Variants in PLSCR4 observed in about 807,000 individuals in gnomAD.
The protein encoded by PLSCR4 is Ca(2+)-dependent phospholipid scramblase 4.
Under a neutral mutation model 36.3 loss-of-function variants are expected in PLSCR4, and 25 were observed. The observed-to-expected ratio is 0.69, with a 90% confidence interval of 0.50 to 0.96. PLSCR4 has a LOEUF of 0.96. Among genes scored for constraint, PLSCR4 ranks in the 40% least tolerant of loss-of-function variants. PLSCR4 has a pLI of 0.00. For synonymous variants in PLSCR4, 122 were observed against 132.9 expected, an observed-to-expected ratio of 0.92 and a Z score of 0.56; for missense variants, 408 against 414.7, an observed-to-expected ratio of 0.98 and a Z score of 0.14.
At chr3:146,234,544 C>G (rs1020516005) in intron 1 of PLSCR4, among the ~76,000 whole-genome samples, 1 of 152,062 alleles carries the variant, frequency 6.6e-6, no homozygotes, top group African/African-American at 2.4e-5. Context: ...ACACCCTGTT[C>G]CCTTTTTTTT....
At position 146,194,455 on chromosome 3, in the gene PLSCR4, C is replaced by T. The variant is rs760118187; in HGVS notation, c.946G>A (p.Asp316Asn). ...GGAGATCTTTCAAAATACATGAAGTCCTGAAATTGGAAAAAGAATTATATG... is the reference window on the plus strand; with the variant it reads ...GGAGATCTTTCAAAATACATGAAGTTCTGAAATTGGAAAAAGAATTATATG... ...AMIFGACFLI[D>N]FMYFERSPPQ... The change falls in exon 9 of 9, where the codon GAC (aspartate) becomes AAC (asparagine). Residue 316 changes from aspartate to asparagine, a missense_variant and splice_region_variant. By Grantham distance (23) the Asp-to-Asn change is conservative (BLOSUM62 1). Transcript: ENST00000354952. 1.8e-5 allele frequency: 28 copies of T among 1,584,452 alleles called. No individual in the cohort carries two copies. Among genetic ancestry groups the T allele is most frequent in the Non-Finnish European group, 2.3e-5 (27 of 1,153,626 alleles).
chr3:146,196,543 TA>T (rs796833072), intron 7 of PLSCR4, 88 bp downstream of exon 7: 2,482 of 1,158,816 alleles, frequency 2.1e-3, no homozygotes, highest in Non-Finnish European at 2.5e-3. Flanking sequence ...TCATTCACAT[TA>T]AAAAAAAATG....
intron 1 of PLSCR4, among the ~76,000 whole-genome samples, chr3:146,238,015 T>C (rs2035989257): frequency 6.6e-6 from 1 of 151,846 alleles, no homozygotes; most frequent in Non-Finnish European, 1.5e-5. Flanking sequence ...ATATTAATAC[T>C]AACCTTACAT....
At chr3:146,224,858 T>A (rs565862549) in intron 1 of PLSCR4, among the ~76,000 whole-genome samples, 1 of 145,750 alleles carries the variant, frequency 6.9e-6, no homozygotes, top group East Asian at 2.0e-4. Context: ...ATTAGTTAGA[T>A]ACAGAGTATG....
intron 6 of PLSCR4, among the ~76,000 whole-genome samples, chr3:146,198,393 T>C (rs2033863447): frequency 6.6e-6 from 1 of 152,064 alleles, no homozygotes; most frequent in South Asian, 2.1e-4. Flanking sequence ...TGTCATAAAT[T>C]GGACTAGGCT....
chr3:146,215,996 C>T (rs1348226462), intron 3 of PLSCR4, among the ~76,000 whole-genome samples: 4 of 152,062 alleles, frequency 2.6e-5, no homozygotes, highest in Non-Finnish European at 4.4e-5. Flanking sequence ...TTTAGGAGGC[C>T]GAGGTGAGTG....
intron 1 of PLSCR4, among the ~76,000 whole-genome samples, chr3:146,225,360 C>A (rs951710740): frequency 6.6e-6 from 1 of 152,252 alleles, no homozygotes; most frequent in Non-Finnish European, 1.5e-5. Context: ...AGGAGCACAG[C>A]TGGCTTCACC....
rs143399951 is a variant in PLSCR4, at chr3:146,211,471, G to C, written c.119-4710C>G. 2.0e-4 allele frequency among the ~76,000 whole-genome samples: 31 copies of C among 152,184 alleles called. No homozygotes were observed. In the East Asian group the frequency reaches 5.4e-3, roughly 27 times the overall value. Reference sequence around the variant, plus strand: ...ATAAAAGTCTCTTGCCAGATAGTTTGCAAGTGTTTTCTCTCATTGTGTAGG... The same window carrying C: ...ATAAAAGTCTCTTGCCAGATAGTTTCCAAGTGTTTTCTCTCATTGTGTAGG... On this transcript the variant is annotated intron_variant, in intron 3 of 8. Coordinates refer to ENST00000354952, the MANE Select transcript of PLSCR4 (RefSeq NM_020353.3).
intron 1 of PLSCR4, among the ~76,000 whole-genome samples, chr3:146,237,363 A>T (rs1366454692): frequency 6.6e-6 from 1 of 152,186 alleles, no homozygotes; most frequent in Non-Finnish European, 1.5e-5. Flanking sequence ...AAATACACAT[A>T]CATTATGAAC....
intron 6 of PLSCR4, among the ~76,000 whole-genome samples, chr3:146,198,783 A>C (rs1417263517): frequency 1.3e-5 from 2 of 152,176 alleles, no homozygotes; most frequent in East Asian, 3.9e-4. Context: ...TGATTAAAAA[A>C]AAATCTAACT....
Position 146,220,913 on chromosome 3 carries a change from G to A in PLSCR4, c.20C>T (p.Thr7Ile). The change falls in exon 3 of 9, where the codon ACA becomes ATA. Residue 7 changes from threonine to isoleucine, a missense_variant. Coordinates refer to ENST00000354952, the MANE Select transcript of PLSCR4 (RefSeq NM_020353.3). ...TTCACCTGCAGGCTGTTCAGGGGCTGTGGGTACCACACCTTCAGGGGAAGA... is the reference window on the plus strand; with the variant it reads ...TTCACCTGCAGGCTGTTCAGGGGCTATGGGTACCACACCTTCAGGGGAAGA... MSGVVP[T>I]APEQPAGEME... is the part of the protein sequence containing the mutation. The A allele has an allele frequency of 6.2e-7, 1 of 1,610,740 alleles. No homozygotes were observed. The highest frequency in any genetic ancestry group is 2.2e-5 in the East Asian group (1 of 44,806).
chr3:146,196,130 AT>A (rs1442786080), intron 7 of PLSCR4, among the ~76,000 whole-genome samples: 1 of 152,196 alleles, frequency 6.6e-6, no homozygotes, highest in Non-Finnish European at 1.5e-5. Flanking sequence ...ATTGAAAAAA[AT>A]GTTAAAACTA....
chr3:146,199,518 TGGTA>T (rs372000870), intron 6 of PLSCR4, among the ~76,000 whole-genome samples: 153 of 152,262 alleles, frequency 1.0e-3, no homozygotes, highest in African/African-American at 3.3e-3. Flanking sequence ...TAGATAAATG[TGGTA>T]GGTAAATTTC....
intron 1 of PLSCR4, among the ~76,000 whole-genome samples, chr3:146,223,480 T>A (rs1362472170): frequency 6.6e-6 from 1 of 152,042 alleles, no homozygotes; most frequent in Non-Finnish European, 1.5e-5. Flanking sequence ...ATCCTAAGCC[T>A]ATGTACTTTT....
intron 1 of PLSCR4, among the ~76,000 whole-genome samples, chr3:146,245,720 T>TTC (rs2036311802): frequency 7.4e-6 from 1 of 134,868 alleles, no homozygotes; most frequent in Admixed American, 8.1e-5. Context: ...ATATAAACAT[T>TTC]TCCTCTTTAA....
chr3:146,205,278 G>A (rs1316182531), intron 4 of PLSCR4, among the ~76,000 whole-genome samples: 3 of 152,014 alleles, frequency 2.0e-5, no homozygotes, highest in African/African-American at 7.2e-5. Flanking sequence ...GTGGATACCT[G>A]AAACCACAGA....
intron 3 of PLSCR4, among the ~76,000 whole-genome samples, chr3:146,218,788 A>G (rs1436245986): frequency 6.6e-6 from 1 of 152,212 alleles, no homozygotes. Context: ...ATACTGGTGT[A>G]AGACACACTG....
Position 146,201,052 on chromosome 3 carries a change from T to C in PLSCR4, c.380A>G (p.His127Arg). The C allele has an allele frequency of 1.9e-6, 3 of 1,558,274 alleles. No homozygotes were observed. The highest frequency in any genetic ancestry group is 1.7e-4 in the Middle Eastern group (1 of 5,910). Reference sequence around the variant, plus strand: ...ATACATACTTTCCAGAGGCTCAAAATGCTGAAGAACATGTATGTTGTCCAA... The same window carrying C: ...ATACATACTTTCCAGAGGCTCAAAACGCTGAAGAACATGTATGTTGTCCAA... Reference protein sequence around the residue: ...VQLDNIHVLQHFEPLEMMTCF... With the variant: ...VQLDNIHVLQRFEPLEMMTCF... The change falls in exon 5 of 9, where the codon CAT becomes CGT. Residue 127 changes from histidine to arginine, a missense_variant. Coordinates refer to ENST00000354952, the MANE Select transcript of PLSCR4 (RefSeq NM_020353.3).
Position 146,235,803 on chromosome 3 carries a change from C to A in PLSCR4, c.-21-13711G>T, listed in dbSNP as rs184584728. 1.3e-3 allele frequency among the ~76,000 whole-genome samples: 194 copies of A among 152,242 alleles called. 1 individual carries two copies. The highest frequency in any genetic ancestry group is 4.3e-3 in the African/African-American group (179 of 41,550). On this transcript the variant is annotated intron_variant, in intron 1 of 8. Transcript: ENST00000354952. ...ATGATGCAGTCTCAGAGGGAAATGA[C>A]AGACTTCTTATTGGCAACTAGAGCA...
Sources: allele counts gnomAD v4.1 joint callset (sites outside exome capture counted in the v4.1 genomes callset), GRCh38; gene constraint gnomAD v4.1.1; transcripts MANE v1.5; gene names NCBI Gene and HGNC (gene_info 2026-07-23, HGNC 2026-07-21).